Variants in ZNF292 observed in about 807,000 individuals in gnomAD.
ZNF292 encodes zinc finger protein 292, also known as 16 zinc-finger domain protein.
A neutral mutation model predicts 217.9 loss-of-function variants in ZNF292; 26 were observed. The ratio of observed to expected loss-of-function variants is 0.12; its 90% CI spans 0.09 to 0.17. The LOEUF is 0.17. ZNF292 is among the 10% of genes least tolerant of loss of function. ZNF292 has a pLI of 1.00. For missense variants in ZNF292, 2,904 were observed against 3,175.2 expected, an observed-to-expected ratio of 0.91 and a Z score of 2.05; for synonymous variants, 1,257 against 1,124.1, an observed-to-expected ratio of 1.12 and a Z score of -2.37.
chr6:87,238,210 G>A (rs1447857590), intron 5 of ZNF292, among the ~76,000 whole-genome samples: 3 of 152,094 alleles, frequency 2.0e-5, no homozygotes, highest in South Asian at 2.1e-4. Flanking sequence ...TAAGCTGGGC[G>A]GGTGCAGTGG....
chr6:87,210,712 G>A (rs1405763609), intron 1 of ZNF292, among the ~76,000 whole-genome samples: 5 of 151,982 alleles, frequency 3.3e-5, no homozygotes, highest in Non-Finnish European at 5.9e-5. Context: ...CCCGGGAGGC[G>A]GAGCTTGCTG....
rs1464617793 is a variant in ZNF292, at chr6:87,265,737, T to C, written c.*3936T>C. Among the ~76,000 whole-genome samples, 1 of 152,240 alleles carries C rather than the reference T, an allele frequency of 6.6e-6. No homozygotes were observed. The highest frequency in any genetic ancestry group is 1.5e-5 in the Non-Finnish European group (1 of 68,044). On this transcript the variant is annotated 3_prime_UTR_variant, in exon 8 of 8. Transcript: ENST00000369577. The stretch of plus-strand genomic sequence containing the variant: ...ATGGCATTTATTCAACCAGGACTGA[T>C]AATCAACGTGTACACCAATTCAATT...
chr6:87,246,567 C>T (rs553553017), intron 7 of ZNF292, among the ~76,000 whole-genome samples: 1 of 152,270 alleles, frequency 6.6e-6, no homozygotes, highest in Admixed American at 6.5e-5. Context: ...GATAGCTATA[C>T]AGATATAAGA....
At chr6:87,168,810 AAAATAGTATG>A (rs1770997612) in intron 1 of ZNF292, among the ~76,000 whole-genome samples, 1 of 152,092 alleles carries the variant, frequency 6.6e-6, no homozygotes, top group Non-Finnish European at 1.5e-5. Context: ...ATTAAATTTA[AAAATAGTATG>A]ATCATCCCTC....
intron 1 of ZNF292, among the ~76,000 whole-genome samples, chr6:87,177,746 A>T (rs1372450059): frequency 6.6e-6 from 1 of 152,240 alleles, no homozygotes; most frequent in Admixed American, 6.5e-5. Context: ...AATTTCTTTA[A>T]TGAGGATAAT....
At chr6:87,232,595 T>C (rs942171190) in intron 4 of ZNF292, among the ~76,000 whole-genome samples, 1 of 152,146 alleles carries the variant, frequency 6.6e-6, no homozygotes, top group South Asian at 2.1e-4. Flanking sequence ...TTCTTATTTG[T>C]AGATGACCAA....
chr6:87,182,701 C>T (rs1429955051), intron 1 of ZNF292, among the ~76,000 whole-genome samples: 1 of 152,086 alleles, frequency 6.6e-6, no homozygotes, highest in African/African-American at 2.4e-5. Context: ...AGAATAAAAG[C>T]AAATTAACAA....
At chr6:87,216,142 CACACACACACACACA>C in intron 2 of ZNF292, 85 bp downstream of exon 2, 1 of 899,816 alleles carries the variant, frequency 1.1e-6, no homozygotes, top group Non-Finnish European at 1.5e-6. Context: ...CACACACACA[CACACACACACACACA>C]ACATTAAATC....
intron 1 of ZNF292, among the ~76,000 whole-genome samples, chr6:87,198,284 A>G: frequency 6.6e-6 from 1 of 151,982 alleles, no homozygotes; most frequent in East Asian, 1.9e-4. Flanking sequence ...AGCTCACTGC[A>G]ACCTCCGCCT....
chr6:87,242,269 T>A (rs1405916194), intron 5 of ZNF292, among the ~76,000 whole-genome samples: 1 of 152,220 alleles, frequency 6.6e-6, no homozygotes, highest in African/African-American at 2.4e-5. Flanking sequence ...GATTTCAGTC[T>A]TAACTCTTCC....
chr6:87,235,170 T>C (rs1053939643), intron 5 of ZNF292, among the ~76,000 whole-genome samples: 7 of 152,346 alleles, frequency 4.6e-5, no homozygotes, highest in African/African-American at 1.2e-4. Context: ...CATTTTCTTA[T>C]TAGTTCCAAA....
chr6:87,263,188 C>T lies in ZNF292; in HGVS notation c.*1387C>T, dbSNP rs1775691123. On this transcript the variant is annotated 3_prime_UTR_variant, in exon 8 of 8. Transcript: ENST00000369577. ...TTCACAGCGAGAGGTAGAGGTTATT[C>T]CAGGAGAGTTGATGACCTTCATTTA... 1 of 151,986 alleles carries T rather than the reference C, an allele frequency of 6.6e-6. No homozygotes were observed. 9.4% of individuals were successfully genotyped at this position (151,986 alleles called of 1,614,324 possible).
At chr6:87,236,776 G>A (rs565192138) in intron 5 of ZNF292, among the ~76,000 whole-genome samples, 4 of 152,012 alleles carry the variant, frequency 2.6e-5, no homozygotes, top group African/African-American at 7.2e-5. Context: ...CCTGGTTGCC[G>A]GTCCCTTTTC....
In ZNF292 at chr6:87,261,170, T is replaced by G; in HGVS notation, c.7541T>G (p.Phe2514Cys). The G allele has an allele frequency of 6.2e-7, 1 of 1,613,182 alleles. No individual in the cohort carries two copies. Among genetic ancestry groups the G allele is most frequent in the East Asian group, 2.2e-5 (1 of 44,866 alleles). The part of the protein sequence containing the change: ...ANTSSNVSND[F>C]QEDNLCQSER... Reference sequence around the variant, plus strand: ...ACTTCTTCAAATGTAAGTAATGATTTTCAGGAAGATAACCTCTGCCAGTCA... The same window carrying G: ...ACTTCTTCAAATGTAAGTAATGATTGTCAGGAAGATAACCTCTGCCAGTCA... Residue 2514 changes from phenylalanine (F) to cysteine (C), a missense_variant, in exon 8 of 8, where the codon TTT becomes TGT. Transcript: ENST00000369577.
rs995591163 is a variant in ZNF292 at position 87,260,609 on chromosome 6, G to T, written c.6980G>T (p.Gly2327Val). The T allele has an allele frequency of 1.2e-6, 2 of 1,612,438 alleles. No individual in the cohort carries two copies. The highest frequency in any genetic ancestry group is 2.7e-5 in the African/African-American group (2 of 74,696). The change falls in exon 8 of 8, where the codon GGA becomes GTA. Residue 2327 changes from glycine (G) to valine (V), a missense_variant. Around this residue, in one of 15 missense-constraint regions of ZNF292, gnomAD observed 101 missense variants for 89.5 expected, o/e 1.13. Coordinates refer to ENST00000369577, the MANE Select transcript of ZNF292 (RefSeq NM_015021.3). ...GTKHSRCGKEGIKMPKTKRKK... is the reference protein window; with the variant it reads ...GTKHSRCGKEVIKMPKTKRKK... The stretch of plus-strand genomic sequence containing the variant: ...AAGCACAGCAGATGTGGAAAGGAAG[G>T]AATAAAAATGCCCAAGACCAAACGA...
At chr6:87,234,042 A>AT (rs1773780342) in intron 5 of ZNF292, among the ~76,000 whole-genome samples, 1 of 152,134 alleles carries the variant, frequency 6.6e-6, no homozygotes, top group Admixed American at 6.5e-5. Flanking sequence ...TCTCTGAGAC[A>AT]TTGTCTTTTC....
At position 87,258,863 on chromosome 6, in the gene ZNF292, A is replaced by C; in HGVS notation, c.5234A>C (p.Gln1745Pro). The C allele has an allele frequency of 6.2e-7, 1 of 1,609,080 alleles. No homozygotes were observed. The highest frequency in any genetic ancestry group is 1.1e-5 in the South Asian group (1 of 90,508). The change falls in exon 8 of 8, where the codon CAG (glutamine) becomes CCG (proline). Residue 1745 changes from glutamine to proline, a missense_variant. By Grantham distance (76) the Gln-to-Pro change is moderately conservative. Coordinates refer to ENST00000369577, the MANE Select transcript of ZNF292 (RefSeq NM_015021.3). ...ACAACTTCAATAAATTCTGATTTGCAGATTTCTGAAGACAATGTTATACAA... is the reference window on the plus strand; with the variant it reads ...ACAACTTCAATAAATTCTGATTTGCCGATTTCTGAAGACAATGTTATACAA... ...SCTTSINSDL[Q>P]ISEDNVIQNF...
chr6:87,236,456 G>A (rs1206574150), intron 5 of ZNF292, among the ~76,000 whole-genome samples: 1 of 151,978 alleles, frequency 6.6e-6, no homozygotes, highest in Non-Finnish European at 1.5e-5. Context: ...GAGGAATGGG[G>A]CTGGGAGAGA....
intron 7 of ZNF292, among the ~76,000 whole-genome samples, chr6:87,252,559 CATT>C (rs1774975515): frequency 1.3e-5 from 2 of 152,204 alleles, no homozygotes. Context: ...GTTCTTCTGA[CATT>C]ATTATATGTG....
Sources: gnomAD v4.1 joint callset for allele counts (sites outside exome capture counted in the v4.1 genomes callset) on GRCh38, gnomAD v4.1.1 for gene constraint, gnomAD v4.1.1 regional missense constraint, MANE v1.5 for transcripts, NCBI Gene and HGNC (gene_info 2026-07-23, HGNC 2026-07-21) for gene names.